DTX4: variants seen among roughly 807,000 people sequenced by gnomAD.
The protein encoded by DTX4 is E3 ubiquitin-protein ligase DTX4.
A neutral mutation model predicts 57.6 loss-of-function variants in DTX4; 28 were observed. The ratio of observed to expected loss-of-function variants is 0.49; its 90% CI spans 0.36 to 0.67. The LOEUF is 0.67. Among genes scored for constraint, DTX4 ranks in the 30% least tolerant of loss-of-function variants. The pLI, the probability that DTX4 is intolerant of heterozygous loss-of-function variation, is 0.00. For synonymous variants in DTX4, 316 were observed against 331.0 expected (o/e 0.95, Z 0.49); for missense variants, 715 against 836.8 (o/e 0.85, Z 1.80).
intron 1 of DTX4, among the ~76,000 whole-genome samples, chr11:59,180,596 G>T (rs1862451183): frequency 6.6e-6 from 1 of 152,192 alleles, no homozygotes; most frequent in Non-Finnish European, 1.5e-5. Flanking sequence ...TAAGCTGACA[G>T]ATGCAGAGAT....
At chr11:59,191,961 GA>G in intron 5 of DTX4, 136 bp from the exon 6 acceptor site, 1 of 934,158 alleles carries the variant, frequency 1.1e-6, no homozygotes, top group Non-Finnish European at 1.6e-6. Context: ...TTAGATTCCA[GA>G]AAGCACTTAC....
chr11:59,193,785 G>A (rs1346180464), intron 6 of DTX4, among the ~76,000 whole-genome samples: 1 of 152,210 alleles, frequency 6.6e-6, no homozygotes, highest in Non-Finnish European at 1.5e-5. Flanking sequence ...CAGAAAGTGG[G>A]AACCTGGTTT....
At chr11:59,197,408 C>T (rs1862685816) in intron 7 of DTX4, among the ~76,000 whole-genome samples, 1 of 152,006 alleles carries the variant, frequency 6.6e-6, no homozygotes, top group Admixed American at 6.6e-5. Context: ...GGGCTCAAGA[C>T]TCGCAAGGAA....
At chr11:59,204,565 A>T in intron 8 of DTX4, 111 bp from the exon 9 acceptor site, 1 of 980,536 alleles carries the variant, frequency 1.0e-6, no homozygotes, top group Admixed American at 2.1e-5. Flanking sequence ...TGCTTAGGGT[A>T]TCATGATGCA....
intron 2 of DTX4, among the ~76,000 whole-genome samples, chr11:59,186,255 T>C (rs1306935012): frequency 6.6e-6 from 1 of 152,148 alleles, no homozygotes; most frequent in Non-Finnish European, 1.5e-5. Context: ...TGCCCCTGAG[T>C]TCTTGAGCTG....
At chr11:59,193,165 G>C (rs1862621105) in intron 6 of DTX4, among the ~76,000 whole-genome samples, 1 of 152,208 alleles carries the variant, frequency 6.6e-6, no homozygotes, top group South Asian at 2.1e-4. Flanking sequence ...GTAGAGGTAA[G>C]AGAGGTGGGA....
intron 8 of DTX4, among the ~76,000 whole-genome samples, chr11:59,201,077 G>A (rs929687952): frequency 6.6e-6 from 1 of 152,168 alleles, no homozygotes; most frequent in Non-Finnish European, 1.5e-5. Context: ...AGGCACAGGC[G>A]GGTTTAGTGT....
intron 2 of DTX4, among the ~76,000 whole-genome samples, chr11:59,184,315 T>A (rs1182121648): frequency 6.6e-6 from 1 of 152,232 alleles, no homozygotes; most frequent in Non-Finnish European, 1.5e-5. Flanking sequence ...CCTTGCTGTG[T>A]CAGTTGGGGC....
At chr11:59,202,847 A>C (rs1421124714) in intron 8 of DTX4, among the ~76,000 whole-genome samples, 3 of 152,240 alleles carry the variant, frequency 2.0e-5, no homozygotes, top group Non-Finnish European at 4.4e-5. Flanking sequence ...AACATCGCAG[A>C]GTGTACTTAC....
At position 59,172,762 on chromosome 11, in the gene DTX4, A is replaced by C; in HGVS notation, c.167A>C (p.Tyr56Ser). Residue 56 changes from tyrosine (Y) to serine (S), a missense_variant, in exon 1 of 9, where the codon TAC (tyrosine) becomes TCC (serine). Tyr to Ser is a moderately radical substitution (Grantham distance 144). Coordinates refer to ENST00000227451, the MANE Select transcript of DTX4 (RefSeq NM_015177.2). ...LGQVDSRLAP[Y>S]IIDLQSMNQF... The stretch of plus-strand genomic sequence containing the variant: ...CAGGTGGACAGCCGTCTCGCGCCCT[A>C]CATCATCGACCTGCAGTCCATGAAC... 6.2e-7 allele frequency: 1 copy of C among 1,600,074 alleles called. No homozygotes were observed.
At chr11:59,192,537 GGAGTGGCC>G (rs1210408353) in intron 6 of DTX4, among the ~76,000 whole-genome samples, 1 of 152,138 alleles carries the variant, frequency 6.6e-6, no homozygotes, top group Admixed American at 6.5e-5. Context: ...GGTTCTGAGG[GGAGTGGCC>G]CATTGTCATG....
At chr11:59,175,612 G>T (rs532135058) in intron 1 of DTX4, among the ~76,000 whole-genome samples, 1 of 152,298 alleles carries the variant, frequency 6.6e-6, no homozygotes, top group South Asian at 2.1e-4. Flanking sequence ...GATGGGACTG[G>T]CTCTTGGCCA....
intron 7 of DTX4, among the ~76,000 whole-genome samples, chr11:59,197,722 T>C (rs569621552): frequency 6.6e-6 from 1 of 151,936 alleles, no homozygotes; most frequent in Non-Finnish European, 1.5e-5. Flanking sequence ...GAGAGAGATA[T>C]GGTTGGATAT....
chr11:59,172,123 G>C (rs1862331329), upstream of DTX4, among the ~76,000 whole-genome samples: 1 of 152,022 alleles, frequency 6.6e-6, no homozygotes, highest in Non-Finnish European at 1.5e-5. Flanking sequence ...GAGGGGACCA[G>C]AGCGTGCCAT....
intron 1 of DTX4, among the ~76,000 whole-genome samples, chr11:59,179,364 G>T (rs1334833845): frequency 6.6e-6 from 1 of 152,190 alleles, no homozygotes; most frequent in Non-Finnish European, 1.5e-5. Flanking sequence ...TGGACTGCTG[G>T]TCCAAGATAA....
At chr11:59,191,238 G>A (rs1862594302) in intron 5 of DTX4, 63 bp downstream of exon 5, 3 of 1,503,288 alleles carry the variant, frequency 2.0e-6, no homozygotes, top group Non-Finnish European at 2.7e-6. Flanking sequence ...TTCCTCTTCT[G>A]CTGTTGGTTT....
At chr11:59,194,577 A>T (rs1862639047) in intron 6 of DTX4, among the ~76,000 whole-genome samples, 1 of 152,198 alleles carries the variant, frequency 6.6e-6, no homozygotes, top group South Asian at 2.1e-4. Context: ...ATCTCATTTA[A>T]TTCTCCCAAC....
At chr11:59,185,965 C>T (rs1308949269) in intron 2 of DTX4, among the ~76,000 whole-genome samples, 1 of 152,144 alleles carries the variant, frequency 6.6e-6, no homozygotes, top group Non-Finnish European at 1.5e-5. Flanking sequence ...GGCTGTGCGG[C>T]TCTCCCAAAG....
At position 59,202,953 on chromosome 11, in the gene DTX4, A is replaced by G. The variant is rs191109811; in HGVS notation, c.1627-1723A>G. Among the ~76,000 whole-genome samples the G allele has an allele frequency of 2.5e-4, 38 of 152,348 alleles. No individual in the cohort carries two copies. In the East Asian group the frequency reaches 6.9e-3, roughly 28 times the overall value. The stretch of plus-strand genomic sequence containing the variant: ...ACCTGTACACCATGTTATTTTATTG[A>G]ATACTATAAGTAGTTGTATAATGGT... On this transcript the variant is annotated intron_variant, in intron 8 of 8. Transcript: ENST00000227451.
Sources: gnomAD v4.1 joint callset for allele counts (sites outside exome capture counted in the v4.1 genomes callset) on GRCh38, gnomAD v4.1.1 for gene constraint, MANE v1.5 for transcripts, NCBI Gene and HGNC (gene_info 2026-07-23, HGNC 2026-07-21) for gene names.